Variants in SLC44A5 observed in about 807,000 individuals in gnomAD.
SLC44A5 encodes the protein choline transporter-like protein 5.
SLC44A5 carries 57 observed loss-of-function variants against 101.8 expected under a neutral mutation model. The ratio of observed to expected loss-of-function variants is 0.56; its 90% CI spans 0.45 to 0.70. The LOEUF (loss-of-function observed/expected upper bound fraction) is 0.70, where lower values mean the gene tolerates loss of function less well. SLC44A5 is among the 30% of genes least tolerant of loss of function. The pLI, the probability that SLC44A5 is intolerant of heterozygous loss-of-function variation, is 0.00. For synonymous variants in SLC44A5, 281 were observed against 290.9 expected (o/e 0.97, Z 0.35); for missense variants, 737 against 853.1 (o/e 0.86, Z 1.70).
chr1:75,646,588 C>T, the SLC44A5 span, among the ~76,000 whole-genome samples: 2 of 152,084 alleles, frequency 1.3e-5, no homozygotes, highest in African/African-American at 4.8e-5. Flanking sequence ...GCAGGAGGGA[C>T]ATCATGGGAG....
chr1:75,228,570 A>G (rs1647291859), intron 12 of SLC44A5, among the ~76,000 whole-genome samples: 1 of 151,726 alleles, frequency 6.6e-6, no homozygotes, highest in Non-Finnish European at 1.5e-5. Flanking sequence ...TGATATATTT[A>G]TATTTGTTTC....
the SLC44A5 span, among the ~76,000 whole-genome samples, chr1:75,647,888 G>C: frequency 6.6e-6 from 1 of 152,292 alleles, no homozygotes; most frequent in South Asian, 2.1e-4. Flanking sequence ...CCTTGTCTCA[G>C]ATGATACTTT....
intron 2 of SLC44A5, among the ~76,000 whole-genome samples, chr1:75,506,907 C>CTTTTTTTTTT (rs61554987): frequency 8.7e-5 from 6 of 68,766 alleles, no homozygotes; most frequent in Admixed American, 2.2e-4. Context: ...TATTCCTATT[C>CTTTTTTTTTT]TTTTTTTTTT....
chr1:75,404,795 G>A (rs572538204), intron 2 of SLC44A5, among the ~76,000 whole-genome samples: 6 of 152,224 alleles, frequency 3.9e-5, no homozygotes, highest in African/African-American at 1.4e-4. Flanking sequence ...CAACTAATGG[G>A]CAAAATAACT....
intron 4 of SLC44A5, chr1:75,311,707 TG>T: frequency 9.9e-6 from 2 of 202,480 alleles, no homozygotes; most frequent in Non-Finnish European, 1.8e-5. Flanking sequence ...CAGTTTAGTC[TG>T]GGGAACAGAT....
intron 3 of SLC44A5, among the ~76,000 whole-genome samples, chr1:75,383,941 A>G (rs1269998873): frequency 6.6e-6 from 1 of 151,918 alleles, no homozygotes; most frequent in Non-Finnish European, 1.5e-5. Flanking sequence ...CCAGAATTTC[A>G]TATCCAGCCA....
the SLC44A5 span, among the ~76,000 whole-genome samples, chr1:75,639,944 C>T: frequency 6.6e-6 from 1 of 151,948 alleles, no homozygotes; most frequent in Non-Finnish European, 1.5e-5. Flanking sequence ...CTTTTCCAAC[C>T]ATTGAAAGAA....
intron 4 of SLC44A5, among the ~76,000 whole-genome samples, chr1:75,312,575 C>T (rs1053859864): frequency 6.6e-6 from 1 of 151,950 alleles, no homozygotes; most frequent in East Asian, 1.9e-4. Flanking sequence ...TATGTGATGC[C>T]TTCTGTCATG....
intron 2 of SLC44A5, among the ~76,000 whole-genome samples, chr1:75,417,933 G>C (rs1183825495): frequency 6.6e-6 from 1 of 152,140 alleles, no homozygotes; most frequent in Non-Finnish European, 1.5e-5. Flanking sequence ...AAAAGCAATA[G>C]GAAAATGAAA....
intron 5 of SLC44A5, among the ~76,000 whole-genome samples, chr1:75,285,770 G>T (rs1652988188): frequency 1.3e-5 from 2 of 151,906 alleles, no homozygotes; most frequent in Admixed American, 1.3e-4. Context: ...CCATGTATTT[G>T]CATGGTTTTG....
intron 1 of SLC44A5, among the ~76,000 whole-genome samples, chr1:75,556,020 T>G (rs1449176057): frequency 1.3e-5 from 2 of 151,980 alleles, no homozygotes; most frequent in East Asian, 3.9e-4. Context: ...AAATAAAAAC[T>G]AATCTATAGT....
At chr1:75,266,842 G>T (rs1026676937) in intron 6 of SLC44A5, among the ~76,000 whole-genome samples, 6 of 152,198 alleles carry the variant, frequency 3.9e-5, no homozygotes, top group African/African-American at 1.4e-4. Flanking sequence ...GAAGATAAAT[G>T]AAGCTAACCA....
At chr1:75,599,150 C>T (rs977850049) in intron 1 of SLC44A5, among the ~76,000 whole-genome samples, 1 of 83,692 alleles carries the variant, frequency 1.2e-5, no homozygotes, top group African/African-American at 3.7e-5. Flanking sequence ...TCCAAAATTA[C>T]ACTTGACATT....
the SLC44A5 span, among the ~76,000 whole-genome samples, chr1:75,646,735 G>T: frequency 6.6e-6 from 1 of 152,106 alleles, no homozygotes; most frequent in African/African-American, 2.4e-5. Context: ...ATGTGAAGAA[G>T]AAGTAAAGGC....
chr1:75,291,632 A>T (rs975646362), intron 5 of SLC44A5, among the ~76,000 whole-genome samples: 1 of 152,098 alleles, frequency 6.6e-6, no homozygotes, highest in East Asian at 1.9e-4. Flanking sequence ...CTTCCAGCAG[A>T]TGAACAACAT....
chr1:75,695,057 G>C, the SLC44A5 span, among the ~76,000 whole-genome samples: 1 of 152,144 alleles, frequency 6.6e-6, no homozygotes, highest in East Asian at 1.9e-4. Context: ...ACTATTACAA[G>C]GGTAAAAAAG....
At chr1:75,257,410 T>C (rs1282333725) in intron 6 of SLC44A5, among the ~76,000 whole-genome samples, 1 of 152,086 alleles carries the variant, frequency 6.6e-6, no homozygotes. Flanking sequence ...AATCACACTT[T>C]GAATAGATCA....
intron 2 of SLC44A5, among the ~76,000 whole-genome samples, chr1:75,477,599 A>G (rs935112575): frequency 1.8e-4 from 27 of 152,238 alleles, no homozygotes; most frequent in Non-Finnish European, 2.8e-4. Context: ...GAACTACGTG[A>G]AGAATGCAGA....
intron 1 of SLC44A5, among the ~76,000 whole-genome samples, chr1:75,590,691 G>A (rs1016755116): frequency 6.6e-6 from 1 of 152,178 alleles, no homozygotes; most frequent in African/African-American, 2.4e-5. Flanking sequence ...CAGGGGTGGT[G>A]GTGGCTATGG....
Sources: allele counts gnomAD v4.1 joint callset (sites outside exome capture counted in the v4.1 genomes callset), GRCh38; gene constraint gnomAD v4.1.1; transcripts MANE v1.5; gene names NCBI Gene and HGNC (gene_info 2026-07-23, HGNC 2026-07-21).